The following RARB variants were observed in gnomAD, a reference collection of about 807,000 sequenced individuals.
The protein encoded by RARB is retinoic acid receptor beta.
A neutral mutation model predicts 51.9 loss-of-function variants in RARB; 17 were observed. That is an observed-to-expected ratio of 0.33 (90% CI 0.22 to 0.49). The LOEUF (loss-of-function observed/expected upper bound fraction) is 0.49. RARB is among the 20% of genes least tolerant of loss of function. The probability of loss-of-function intolerance (pLI) is 0.99; values close to 1 mark genes in which losing one functional copy is unlikely to be tolerated. For synonymous variants in RARB, 215 were observed against 195.4 expected, an observed-to-expected ratio of 1.10 and a Z score of -0.84; for missense variants, 369 against 550.8, an observed-to-expected ratio of 0.67 and a Z score of 3.30.
At chr3:25,372,510 T>A (rs867595310) in intron 5 of RARB, among the ~76,000 whole-genome samples, 2 of 152,142 alleles carry the variant, frequency 1.3e-5, no homozygotes, top group Non-Finnish European at 1.5e-5. Context: ...CAAGAGAAGA[T>A]GGTAGTTTTT....
At chr3:25,083,062 T>C (rs183515406) in intron 3 of RARB, among the ~76,000 whole-genome samples, 84 of 152,214 alleles carry the variant, frequency 5.5e-4, no homozygotes, top group Middle Eastern at 6.8e-3. Context: ...GTATGTAATG[T>C]GTTTTTTTCC....
intron 2 of RARB, among the ~76,000 whole-genome samples, chr3:24,909,874 T>C (rs1219002774): frequency 6.6e-6 from 1 of 152,196 alleles, no homozygotes. Context: ...TAAATGTCTA[T>C]ATTTGCCAAG....
intron 3 of RARB, among the ~76,000 whole-genome samples, chr3:25,075,641 G>A (rs1698856429): frequency 6.6e-6 from 1 of 151,216 alleles, no homozygotes; most frequent in South Asian, 2.1e-4. Flanking sequence ...GGATGGGAGG[G>A]TAGAGATCAT....
chr3:24,962,548 G>T (rs192053213), intron 2 of RARB, among the ~76,000 whole-genome samples: 1 of 152,164 alleles, frequency 6.6e-6, no homozygotes, highest in African/African-American at 2.4e-5. Flanking sequence ...GAACTAGGCC[G>T]CACAGCAGGA....
At chr3:25,086,926 A>T (rs1043762001) in intron 3 of RARB, among the ~76,000 whole-genome samples, 12 of 152,188 alleles carry the variant, frequency 7.9e-5, no homozygotes, top group African/African-American at 2.7e-4. Context: ...GAAAGGTGCC[A>T]GACTCCTTAC....
chr3:25,549,894 G>C (rs1456606126), intron 3 of RARB, among the ~76,000 whole-genome samples: 1 of 151,848 alleles, frequency 6.6e-6, no homozygotes, highest in Non-Finnish European at 1.5e-5. Flanking sequence ...CAGTCAAGAT[G>C]TAAGCCCAGC....
chr3:25,050,258 T>C (rs1005164904), intron 2 of RARB, among the ~76,000 whole-genome samples: 3 of 151,964 alleles, frequency 2.0e-5, no homozygotes, highest in Non-Finnish European at 2.9e-5. Flanking sequence ...GGAAAGAGTC[T>C]AGAGGGCACA....
intron 3 of RARB, among the ~76,000 whole-genome samples, chr3:25,062,969 G>C (rs142801158): frequency 0.017 from 2,511 of 151,986 alleles, 34 homozygotes; most frequent in South Asian, 0.055. Context: ...TCAAAACTAG[G>C]AACGACAAAA....
chr3:25,208,586 C>T (rs1225645257), intron 5 of RARB, among the ~76,000 whole-genome samples: 1 of 152,162 alleles, frequency 6.6e-6, no homozygotes, highest in African/African-American at 2.4e-5. Flanking sequence ...ATACTGTTCC[C>T]TTCCGCTCTC....
chr3:24,869,675 G>C (rs1019218168), intron 2 of RARB, among the ~76,000 whole-genome samples: 16 of 152,154 alleles, frequency 1.1e-4, no homozygotes, highest in Admixed American at 9.2e-4. Flanking sequence ...CAGACATAGC[G>C]TAGCACATTC....
chr3:25,498,973 A>G (rs1319360734), intron 2 of RARB, among the ~76,000 whole-genome samples: 1 of 152,186 alleles, frequency 6.6e-6, no homozygotes, highest in African/African-American at 2.4e-5. Flanking sequence ...TTCTAAGCAC[A>G]TTTGTAGTTC....
At chr3:25,538,092 C>T (rs1302857252) in intron 3 of RARB, among the ~76,000 whole-genome samples, 3 of 151,814 alleles carry the variant, frequency 2.0e-5, no homozygotes, top group African/African-American at 7.3e-5. Flanking sequence ...TTTTTTTAAG[C>T]AATGGTGTTT....
chr3:25,513,253 C>T (rs774985638), intron 3 of RARB, among the ~76,000 whole-genome samples: 1 of 151,896 alleles, frequency 6.6e-6, no homozygotes, highest in Non-Finnish European at 1.5e-5. Context: ...CGCCACCGCA[C>T]TCCAGCCTGG....
intron 2 of RARB, among the ~76,000 whole-genome samples, chr3:24,909,900 T>A (rs1297656237): frequency 6.6e-6 from 1 of 152,172 alleles, no homozygotes. Flanking sequence ...TGTCTCTGTG[T>A]GTGTGTTTGT....
chr3:25,197,600 C>T (rs1701276615), intron 5 of RARB, among the ~76,000 whole-genome samples: 1 of 151,766 alleles, frequency 6.6e-6, no homozygotes, highest in Admixed American at 6.6e-5. Context: ...TTGTAGGATA[C>T]AAAATCAACC....
intron 3 of RARB, among the ~76,000 whole-genome samples, chr3:25,073,749 C>T (rs1698816916): frequency 6.6e-6 from 1 of 151,658 alleles, no homozygotes; most frequent in Non-Finnish European, 1.5e-5. Context: ...ATCATGGCTA[C>T]AATAAGGATG....
At chr3:25,439,781 T>C (rs1575404587) in intron 1 of RARB, among the ~76,000 whole-genome samples, 2 of 152,236 alleles carry the variant, frequency 1.3e-5, no homozygotes, top group Admixed American at 1.3e-4. Context: ...TGAAATCTAA[T>C]TGTTGCTGAA....
intron 5 of RARB, 132 bp from the exon 6 acceptor site, chr3:25,593,371 T>C: frequency 2.5e-6 from 2 of 808,812 alleles, no homozygotes. Flanking sequence ...AAGAAGACAT[T>C]CAACATGTGA....
At chr3:25,132,327 T>C (rs1699967025) in intron 4 of RARB, among the ~76,000 whole-genome samples, 1 of 151,942 alleles carries the variant, frequency 6.6e-6, no homozygotes. Context: ...GCTTGCCGTC[T>C]TGTGCTTTCA....
Sources: allele counts gnomAD v4.1 joint callset (sites outside exome capture counted in the v4.1 genomes callset), GRCh38; gene constraint gnomAD v4.1.1; transcripts MANE v1.5; gene names NCBI Gene and HGNC (gene_info 2026-07-23, HGNC 2026-07-21).